The following KIRREL3 variants were observed in gnomAD, a reference collection of about 807,000 sequenced individuals.
KIRREL3 encodes the protein kin of IRRE-like protein 3.
KIRREL3 carries 36 observed loss-of-function variants against 89.7 expected under a neutral mutation model. That is an observed-to-expected ratio of 0.40 (90% CI 0.31 to 0.53). KIRREL3 has a LOEUF of 0.53. KIRREL3 is among the 20% of genes least tolerant of loss of function. KIRREL3 has a pLI of 0.49. For missense variants in KIRREL3, 864 were observed against 1,056.6 expected (o/e 0.82, Z 2.53); for synonymous variants, 445 against 441.4 (o/e 1.01, Z -0.10).
chr11:126,893,882 G>T (rs1946028728), intron 1 of KIRREL3, among the ~76,000 whole-genome samples: 1 of 152,176 alleles, frequency 6.6e-6, no homozygotes, highest in South Asian at 2.1e-4. Flanking sequence ...TAAGTTCTCA[G>T]GAGGCAGATT....
intron 1 of KIRREL3, among the ~76,000 whole-genome samples, chr11:126,884,150 G>A (rs1373797093): frequency 6.6e-6 from 1 of 152,218 alleles, no homozygotes; most frequent in Non-Finnish European, 1.5e-5. Context: ...TTCTCAGTGT[G>A]TATAAGATTC....
chr11:126,841,179 C>A (rs1164720606), intron 1 of KIRREL3, among the ~76,000 whole-genome samples: 1 of 152,156 alleles, frequency 6.6e-6, no homozygotes, highest in Non-Finnish European at 1.5e-5. Context: ...GAAACATATC[C>A]CCTGCAGATA....
intron 1 of KIRREL3, among the ~76,000 whole-genome samples, chr11:126,852,825 C>A (rs1487291152): frequency 6.6e-6 from 1 of 152,200 alleles, no homozygotes; most frequent in Non-Finnish European, 1.5e-5. Flanking sequence ...TTGCTCTTGG[C>A]TTCTTGTCCA....
intron 1 of KIRREL3, among the ~76,000 whole-genome samples, chr11:126,919,867 T>A (rs1352993333): frequency 6.6e-6 from 1 of 152,132 alleles, no homozygotes; most frequent in Non-Finnish European, 1.5e-5. Context: ...GTAACAATAG[T>A]GTAACTGCAC....
chr11:126,867,434 C>T lies in KIRREL3; in HGVS notation c.55+133021G>A, dbSNP rs1425838739. On this transcript the variant is annotated intron_variant, in intron 1 of 16. Transcript: ENST00000525144. The surrounding 1 kb of genome is among the most constrained non-coding windows in gnomAD (Gnocchi z 4.7). Reference sequence around the variant, plus strand: ...TGCTGTTTCTCCTCTCTCCCACTTCCAAAACTCTTTCAAGGACCAACCTAA... The same window carrying T: ...TGCTGTTTCTCCTCTCTCCCACTTCTAAAACTCTTTCAAGGACCAACCTAA... 6.6e-6 allele frequency among the ~76,000 whole-genome samples: 1 copy of T among 152,158 alleles called. No individual in the cohort carries two copies. The highest frequency in any genetic ancestry group is 1.9e-4 in the East Asian group (1 of 5,184).
At chr11:126,767,673 A>G (rs983257753) in intron 1 of KIRREL3, among the ~76,000 whole-genome samples, 3 of 152,180 alleles carry the variant, frequency 2.0e-5, no homozygotes, top group Admixed American at 2.0e-4. Flanking sequence ...TCTTTTAAGG[A>G]ATCCCCTCAG....
chr11:126,672,422 G>C (rs12292178), intron 1 of KIRREL3, among the ~76,000 whole-genome samples: 52,870 of 152,014 alleles, frequency 0.35, 9,465 homozygotes, highest in Admixed American at 0.42. Context: ...GCTATCAGGC[G>C]ACAACATGGA....
intron 1 of KIRREL3, among the ~76,000 whole-genome samples, chr11:126,869,744 G>C (rs776742304): frequency 6.6e-6 from 1 of 152,050 alleles, no homozygotes; most frequent in Non-Finnish European, 1.5e-5. Flanking sequence ...GGAAAACAGG[G>C]GCCTTGCCAC....
chr11:126,658,140 C>T (rs7950175), intron 1 of KIRREL3, among the ~76,000 whole-genome samples: 126,422 of 152,262 alleles, frequency 0.83, 53,073 homozygotes, highest in East Asian at 1. Context: ...GCTGCCATGT[C>T]TGTAGTGGTA....
chr11:126,801,215 A>G (rs745958100), intron 1 of KIRREL3, among the ~76,000 whole-genome samples: 6 of 152,234 alleles, frequency 3.9e-5, no homozygotes, highest in Non-Finnish European at 7.3e-5. Flanking sequence ...TTTCTTAAAT[A>G]CACTAGCTCT....
intron 1 of KIRREL3, among the ~76,000 whole-genome samples, chr11:126,720,906 A>G (rs575942010): frequency 6.6e-6 from 1 of 152,290 alleles, no homozygotes; most frequent in East Asian, 1.9e-4. Flanking sequence ...ATCTGGAGTC[A>G]TACATTAAAG....
chr11:126,580,416 G>A (rs1040301104), intron 1 of KIRREL3, among the ~76,000 whole-genome samples: 18 of 152,124 alleles, frequency 1.2e-4, no homozygotes, highest in Admixed American at 1.0e-3. Flanking sequence ...GACAGCAGGA[G>A]GACATTCTAG....
Position 126,808,738 on chromosome 11 carries a change from A to G in KIRREL3, c.55+191717T>C, listed in dbSNP as rs190065539. Among the ~76,000 whole-genome samples, 10 of 152,282 alleles carry G rather than the reference A, an allele frequency of 6.6e-5. No individual in the cohort carries two copies. The East Asian group carries it at 1.9e-3, about 29-fold the overall frequency. On this transcript the variant is annotated intron_variant, in intron 1 of 16. Coordinates refer to ENST00000525144, the MANE Select transcript of KIRREL3 (RefSeq NM_032531.4). The surrounding 1 kb of genome is among the most constrained non-coding windows in gnomAD (Gnocchi z 4.1). ...AAACAACTTGCTTTCCAATTTCCAC[A>G]TGCATATATAGAATGAATTGTTGAG...
chr11:126,509,759 G>C (rs1441499660), intron 4 of KIRREL3, among the ~76,000 whole-genome samples: 1 of 152,100 alleles, frequency 6.6e-6, no homozygotes, highest in Non-Finnish European at 1.5e-5. Flanking sequence ...ACTTTGGGAG[G>C]CCAAGGCGGG....
rs1032076498 is a variant in KIRREL3 at position 126,805,168 on chromosome 11, G to A, written c.55+195287C>T. ...TGTATTCATACATTAATGTATTAAG[G>A]TAACATCTTTGTATTCAGATTAATC... On this transcript the variant is annotated intron_variant, in intron 1 of 16. Coordinates refer to ENST00000525144, the MANE Select transcript of KIRREL3 (RefSeq NM_032531.4). This position sits in a 1 kb window ranked among gnomAD's most constrained non-coding sequence, Gnocchi z 4.3. Among the ~76,000 whole-genome samples, 2 of 152,102 alleles carry A rather than the reference G, an allele frequency of 1.3e-5. No individual in the cohort carries two copies. The highest frequency in any genetic ancestry group is 4.8e-5 in the African/African-American group (2 of 41,416).
At chr11:126,464,661 T>C (rs374283221) in intron 5 of KIRREL3, among the ~76,000 whole-genome samples, 84 of 151,610 alleles carry the variant, frequency 5.5e-4, no homozygotes, top group African/African-American at 1.2e-3. Context: ...CAGGTGAAGG[T>C]GGAGGCAGAG....
chr11:126,549,322 G>C (rs1390266458), intron 2 of KIRREL3: 1 of 152,164 alleles, frequency 6.6e-6, no homozygotes, highest in Admixed American at 6.5e-5. Context: ...GGAAGGCACA[G>C]GGAAGAAAGC....
intron 4 of KIRREL3, among the ~76,000 whole-genome samples, chr11:126,480,717 C>A (rs954953312): frequency 6.6e-6 from 1 of 152,234 alleles, no homozygotes; most frequent in Non-Finnish European, 1.5e-5. Flanking sequence ...CCCTTCCCTC[C>A]CCGCAGTCTG....
At chr11:126,961,620 G>A (rs1387955651) in intron 1 of KIRREL3, among the ~76,000 whole-genome samples, 1 of 152,354 alleles carries the variant, frequency 6.6e-6, no homozygotes, top group East Asian at 1.9e-4. Context: ...TTAAGGTGAA[G>A]CAGTAAGTGC....
Sources: gnomAD v4.1 joint callset for allele counts (sites outside exome capture counted in the v4.1 genomes callset) on GRCh38, gnomAD v4.1.1 for gene constraint, Gnocchi (gnomAD v3.1) non-coding constraint, MANE v1.5 for transcripts, NCBI Gene and HGNC (gene_info 2026-07-23, HGNC 2026-07-21) for gene names.